INSYN2A: variants seen among roughly 807,000 people sequenced by gnomAD.
INSYN2A encodes the protein family with sequence similarity 196 member A.
INSYN2A carries 17 observed loss-of-function variants against 39.4 expected under a neutral mutation model. The observed-to-expected ratio is 0.43, with a 90% confidence interval of 0.30 to 0.65. The LOEUF (loss-of-function observed/expected upper bound fraction) is 0.65. Among genes scored for constraint, INSYN2A ranks in the 30% least tolerant of loss-of-function variants. The pLI is 0.14. For missense variants in INSYN2A, 595 were observed against 631.2 expected (o/e 0.94, Z 0.61); for synonymous variants, 255 against 265.7 (o/e 0.96, Z 0.39).
intron 5 of INSYN2A, among the ~76,000 whole-genome samples, chr10:127,143,394 C>T (rs921665874): frequency 6.6e-6 from 1 of 152,164 alleles, no homozygotes; most frequent in African/African-American, 2.4e-5. Context: ...CAGTGCTAAC[C>T]GTGGCTCTGT....
At chr10:127,192,252 ATAAAT>A (rs2056811432) in intron 2 of INSYN2A, among the ~76,000 whole-genome samples, 1 of 152,232 alleles carries the variant, frequency 6.6e-6, no homozygotes, top group Admixed American at 6.5e-5. Flanking sequence ...GCTCTATAAA[ATAAAT>A]ATTCACAAAT....
intron 4 of INSYN2A, among the ~76,000 whole-genome samples, chr10:127,157,365 T>A (rs1334418): frequency 0.3 from 45,234 of 151,918 alleles, 6,988 homozygotes; most frequent in African/African-American, 0.36. Context: ...CAGGTGAGAG[T>A]GGGGAGAGAT....
chr10:127,196,225 C>A lies in INSYN2A; in HGVS notation c.-623G>T, dbSNP rs1268090593. On this transcript the variant is annotated 5_prime_UTR_variant, in exon 1 of 6. Transcript: ENST00000522781. ...GGCCCGGCCCTGCTGGCCCGGCCGG[C>A]CCCCGCGCCGCAGCTCGCGTCGCTC... is the stretch of plus-strand genomic sequence containing the variant. The A allele has an allele frequency of 6.7e-6, 1 of 149,104 alleles. No homozygotes were observed. Among genetic ancestry groups the A allele is most frequent in the Non-Finnish European group, 1.5e-5 (1 of 67,110 alleles). 9.2% of individuals were successfully genotyped at this position (149,104 alleles called of 1,614,324 possible). A position where few individuals can be genotyped will look rare whatever the true frequency, so the allele number is the denominator to read the frequency against.
In INSYN2A at chr10:127,196,294, G is replaced by C. The variant is rs2057141731; in HGVS notation, c.-692C>G. Reference sequence around the variant, plus strand: ...TTAGCGACGCGCGCGGGGAGGCAGCGGCTGGGCCAGCTCCGGGGACGCCCG... The same window carrying C: ...TTAGCGACGCGCGCGGGGAGGCAGCCGCTGGGCCAGCTCCGGGGACGCCCG... On this transcript the variant is annotated 5_prime_UTR_variant, in exon 1 of 6. Coordinates refer to ENST00000522781, the MANE Select transcript of INSYN2A (RefSeq NM_001039762.3). 6.7e-6 allele frequency: 1 copy of C among 149,012 alleles called. No homozygotes were observed. The allele number at this position is 149,012 out of a possible 1,614,324, so 9.2% of individuals were successfully genotyped here.
intron 5 of INSYN2A, among the ~76,000 whole-genome samples, chr10:127,139,481 C>T (rs1401910705): frequency 1.3e-5 from 2 of 152,090 alleles, no homozygotes; most frequent in Admixed American, 6.5e-5. Context: ...CGAAGAGCCT[C>T]TTTGAGTTAT....
intron 2 of INSYN2A, among the ~76,000 whole-genome samples, chr10:127,179,879 C>T (rs2055560649): frequency 6.6e-6 from 1 of 152,164 alleles, no homozygotes; most frequent in Admixed American, 6.6e-5. Flanking sequence ...GTCACCATTC[C>T]CCTATGCATA....
intron 4 of INSYN2A, among the ~76,000 whole-genome samples, chr10:127,161,686 C>G (rs751567650): frequency 6.6e-6 from 1 of 152,110 alleles, no homozygotes; most frequent in African/African-American, 2.4e-5. Context: ...CTGTTCTTTA[C>G]GGATCCTTTG....
intron 4 of INSYN2A, among the ~76,000 whole-genome samples, chr10:127,165,629 A>G (rs1285369730): frequency 1.3e-5 from 2 of 152,148 alleles, no homozygotes; most frequent in Admixed American, 6.5e-5. Flanking sequence ...TGTTGTTCAC[A>G]TGGATGTGGA....
In INSYN2A at chr10:127,137,519, G is replaced by A. The variant is rs1025610833; in HGVS notation, c.*318C>T. 8 of 243,096 alleles carry A rather than the reference G, an allele frequency of 3.3e-5. No individual in the cohort carries two copies. The highest frequency in any genetic ancestry group is 5.1e-5 in the Admixed American group (1 of 19,646). 15.1% of individuals were successfully genotyped at this position (243,096 alleles called of 1,614,324 possible). On this transcript the variant is annotated 3_prime_UTR_variant, in exon 6 of 6. Coordinates refer to ENST00000522781, the MANE Select transcript of INSYN2A (RefSeq NM_001039762.3). ...GTACAGGGTGACAGCCTGCCATCTC[G>A]CAGGTTGATAATGTATTACTTGCAG...
In INSYN2A at chr10:127,135,571, T is replaced by C. The variant is rs569673646; in HGVS notation, c.*2266A>G. 6.5e-6 allele frequency: 1 copy of C among 152,796 alleles called. No homozygotes were observed. The highest frequency in any genetic ancestry group is 6.5e-5 in the Admixed American group (1 of 15,306). The allele number at this position is 152,796 out of a possible 1,614,324, so 9.5% of individuals were successfully genotyped here. ...CTTGCTTTTGTATCAGCGTTTTTAC[T>C]TGAATCTTTCCAAGAGAAGAATCAC... On this transcript the variant is annotated 3_prime_UTR_variant, in exon 6 of 6. Transcript: ENST00000522781.
chr10:127,137,398 TA>T lies in INSYN2A; in HGVS notation c.*438del, dbSNP rs2050792693. The T allele has an allele frequency of 6.5e-6, 1 of 154,482 alleles. No individual in the cohort carries two copies. The highest frequency in any genetic ancestry group is 6.5e-5 in the Admixed American group (1 of 15,346). 9.6% of individuals were successfully genotyped at this position (154,482 alleles called of 1,614,324 possible). On this transcript the variant is annotated 3_prime_UTR_variant, in exon 6 of 6. Transcript: ENST00000522781. ...CCCTGCTTATTTGCAAAATGAAACA[TA>T]AAAATGAAGTCCTTCGCAAACATAA... is the stretch of plus-strand genomic sequence containing the variant.
intron 5 of INSYN2A, among the ~76,000 whole-genome samples, chr10:127,153,518 C>T (rs747507158): frequency 2.0e-5 from 3 of 152,184 alleles, no homozygotes; most frequent in Non-Finnish European, 2.9e-5. Flanking sequence ...GATCTATACC[C>T]TCTGAAGGGC....
intron 4 of INSYN2A, among the ~76,000 whole-genome samples, chr10:127,171,600 G>T (rs958311142): frequency 1.3e-5 from 2 of 152,178 alleles, no homozygotes; most frequent in African/African-American, 2.4e-5. Context: ...ATGCTTTATT[G>T]GGGTGGCAAG....
At chr10:127,139,222 G>T (rs1392278629) in intron 5 of INSYN2A, among the ~76,000 whole-genome samples, 1 of 152,120 alleles carries the variant, frequency 6.6e-6, no homozygotes, top group African/African-American at 2.4e-5. Flanking sequence ...TATTGATTTA[G>T]AGAACCATTA....
chr10:127,174,845 T>A (rs754214157), intron 4 of INSYN2A, among the ~76,000 whole-genome samples: 13 of 152,240 alleles, frequency 8.5e-5, no homozygotes, highest in Non-Finnish European at 1.9e-4. Context: ...CTTCTCTTCC[T>A]GATTCTCTTC....
At chr10:127,159,912 C>T (rs1400865033) in intron 4 of INSYN2A, among the ~76,000 whole-genome samples, 1 of 152,146 alleles carries the variant, frequency 6.6e-6, no homozygotes, top group East Asian at 1.9e-4. Flanking sequence ...GGCATCTGCT[C>T]TTTCATGCTG....
At chr10:127,154,421 T>A (rs1057230792) in intron 4 of INSYN2A, among the ~76,000 whole-genome samples, 8 of 152,292 alleles carry the variant, frequency 5.3e-5, no homozygotes, top group Middle Eastern at 6.8e-3. Context: ...TGAAAAAAAA[T>A]TGAAAGCATA....
chr10:127,185,262 C>G (rs1212282654), intron 2 of INSYN2A, among the ~76,000 whole-genome samples: 1 of 152,190 alleles, frequency 6.6e-6, no homozygotes, highest in African/African-American at 2.4e-5. Context: ...GGCACGGTGG[C>G]TCATGCCTGT....
intron 5 of INSYN2A, among the ~76,000 whole-genome samples, chr10:127,150,844 A>G (rs1232069189): frequency 3.9e-5 from 6 of 152,200 alleles, no homozygotes. Context: ...ACTTTGCTCC[A>G]CTTTAAAGAC....
Sources: allele counts gnomAD v4.1 joint callset (sites outside exome capture counted in the v4.1 genomes callset), GRCh38; gene constraint gnomAD v4.1.1; transcripts MANE v1.5; gene names NCBI Gene and HGNC (gene_info 2026-07-23, HGNC 2026-07-21).